The following DLGAP2 variants were observed in gnomAD, a reference collection of about 807,000 sequenced individuals.
DLGAP2 encodes disks large-associated protein 2.
A neutral mutation model predicts 100.3 loss-of-function variants in DLGAP2; 26 were observed. The observed-to-expected ratio is 0.26, with a 90% confidence interval of 0.19 to 0.36. DLGAP2 has a LOEUF of 0.36. Among genes scored for constraint, DLGAP2 ranks in the 10% least tolerant of loss-of-function variants. The pLI, the probability that DLGAP2 is intolerant of heterozygous loss-of-function variation, is 1.00. For missense variants in DLGAP2, 1,858 were observed against 1,453.2 expected, an observed-to-expected ratio of 1.28 and a Z score of -4.53; for synonymous variants, 886 against 630.1, an observed-to-expected ratio of 1.41 and a Z score of -6.08.
chr8:944,808 G>T (rs1439716472), intron 2 of DLGAP2, among the ~76,000 whole-genome samples: 1 of 149,420 alleles, frequency 6.7e-6, no homozygotes, highest in Non-Finnish European at 1.5e-5. Flanking sequence ...GTCGATATGG[G>T]TGATCCAGTG....
chr8:1,407,429 A>G (rs375930503), intron 3 of DLGAP2, among the ~76,000 whole-genome samples: 86 of 78,782 alleles, frequency 1.1e-3, no homozygotes, highest in East Asian at 2.4e-3. Context: ...CTTGTCCTCC[A>G]GAGTCGTGTA....
intron 1 of DLGAP2, among the ~76,000 whole-genome samples, chr8:880,589 CGGGG>C (rs1563076530): frequency 7.4e-5 from 10 of 135,048 alleles, no homozygotes; most frequent in African/African-American, 2.7e-4. Flanking sequence ...ATAGGTGGGT[CGGGG>C]TGACCGTCCA....
chr8:1,048,084 C>T (rs140276679), intron 2 of DLGAP2, among the ~76,000 whole-genome samples: 9 of 152,094 alleles, frequency 5.9e-5, no homozygotes, highest in South Asian at 2.1e-4. Flanking sequence ...TCCGAATTTC[C>T]GCTGGAAAGT....
At chr8:1,573,528 G>C (rs73671228) in intron 6 of DLGAP2, among the ~76,000 whole-genome samples, 1 of 152,066 alleles carries the variant, frequency 6.6e-6, no homozygotes, top group Non-Finnish European at 1.5e-5. Flanking sequence ...ACTGCCATCC[G>C]TGGGTTTCAC....
intron 1 of DLGAP2, among the ~76,000 whole-genome samples, chr8:763,963 T>A (rs1391800076): frequency 6.6e-6 from 1 of 152,236 alleles, no homozygotes; most frequent in Non-Finnish European, 1.5e-5. Context: ...GGGCCTTTAC[T>A]GTGTTTGGCT....
At chr8:1,542,840 G>A (rs1050505882) in intron 4 of DLGAP2, among the ~76,000 whole-genome samples, 48 of 152,240 alleles carry the variant, frequency 3.2e-4, no homozygotes, top group African/African-American at 1.2e-3. Context: ...CCAGCAGCGT[G>A]CGAGGTTCCA....
intron 3 of DLGAP2, among the ~76,000 whole-genome samples, chr8:1,472,114 G>C (rs1584936641): frequency 6.6e-6 from 1 of 152,230 alleles, no homozygotes; most frequent in African/African-American, 2.4e-5. Context: ...GTAAACAAGT[G>C]CCCCTCCACA....
chr8:1,523,682 A>G (rs1468751138), intron 4 of DLGAP2, among the ~76,000 whole-genome samples: 1 of 152,122 alleles, frequency 6.6e-6, no homozygotes, highest in Admixed American at 6.5e-5. Context: ...AGCCGTCTGC[A>G]TTTTATTTTT....
chr8:1,164,205 C>G (rs1250019883), intron 2 of DLGAP2, among the ~76,000 whole-genome samples: 28 of 141,738 alleles, frequency 2.0e-4, no homozygotes, highest in South Asian at 1.1e-3. Flanking sequence ...CTGTGAGCCC[C>G]CAGGGCCCGT....
chr8:1,210,300 G>C (rs912851490), intron 2 of DLGAP2, among the ~76,000 whole-genome samples: 2 of 152,172 alleles, frequency 1.3e-5, no homozygotes, highest in Non-Finnish European at 2.9e-5. Context: ...GCTGATGACA[G>C]GGAGGTTTGG....
At chr8:803,465 A>T (rs553879542) in intron 1 of DLGAP2, among the ~76,000 whole-genome samples, 1 of 151,594 alleles carries the variant, frequency 6.6e-6, no homozygotes, top group African/African-American at 2.4e-5. Flanking sequence ...GGCCACCTCT[A>T]CTCTAGCTGC....
chr8:1,237,122 C>G (rs1299070381), intron 2 of DLGAP2, among the ~76,000 whole-genome samples: 5 of 44,674 alleles, frequency 1.1e-4, no homozygotes, highest in Admixed American at 1.1e-3. Flanking sequence ...CTAGTTCTGT[C>G]TCACATGGGG....
chr8:817,626 G>A (rs1336837933), intron 1 of DLGAP2, among the ~76,000 whole-genome samples: 1 of 152,158 alleles, frequency 6.6e-6, no homozygotes, highest in African/African-American at 2.4e-5. Context: ...TTCAAGCGCT[G>A]CTGTTCAGAC....
intron 6 of DLGAP2, among the ~76,000 whole-genome samples, chr8:1,571,101 G>C (rs1361763375): frequency 7.4e-6 from 1 of 134,710 alleles, no homozygotes; most frequent in Non-Finnish European, 1.6e-5. Flanking sequence ...TGAACTGTGG[G>C]GACATCTGAT....
In DLGAP2 at chr8:1,499,089, G is replaced by C. The variant is rs1799629013; in HGVS notation, c.107-2277G>C. Among the ~76,000 whole-genome samples, 3 of 152,236 alleles carry C rather than the reference G, an allele frequency of 2.0e-5. No homozygotes were observed. In the South Asian group the frequency reaches 6.2e-4, roughly 31 times the overall value. ...AGCGTTTGTACTCCTGCAATTCAAG[G>C]CTGACCTTCAAACGTCCCCACTCCT... On this transcript the variant is annotated intron_variant, in intron 3 of 14. Coordinates refer to ENST00000637795, the MANE Select transcript of DLGAP2 (RefSeq NM_001346810.2).
intron 6 of DLGAP2, among the ~76,000 whole-genome samples, chr8:1,584,911 C>T (rs1796069907): frequency 1.3e-5 from 2 of 152,116 alleles, no homozygotes; most frequent in Non-Finnish European, 2.9e-5. Context: ...TCTTCTTGTG[C>T]ATACCAACTC....
At chr8:1,592,400 C>T (rs1282189520) in intron 6 of DLGAP2, among the ~76,000 whole-genome samples, 1 of 152,010 alleles carries the variant, frequency 6.6e-6, no homozygotes, top group Admixed American at 6.6e-5. Context: ...TGACGTGTGC[C>T]TCTGGCCCCC....
At chr8:1,151,196 A>G (rs1233935237) in intron 2 of DLGAP2, among the ~76,000 whole-genome samples, 1 of 152,198 alleles carries the variant, frequency 6.6e-6, no homozygotes, top group Non-Finnish European at 1.5e-5. Context: ...CTTTTCCTCT[A>G]CCCTCTTTCA....
chr8:948,131 C>T (rs1799379012), intron 2 of DLGAP2, among the ~76,000 whole-genome samples: 1 of 152,198 alleles, frequency 6.6e-6, no homozygotes, highest in African/African-American at 2.4e-5. Context: ...CCAGCCAGTG[C>T]GGGCTGATCT....
Sources: allele counts gnomAD v4.1 joint callset (sites outside exome capture counted in the v4.1 genomes callset), GRCh38; gene constraint gnomAD v4.1.1; transcripts MANE v1.5; gene names NCBI Gene and HGNC (gene_info 2026-07-23, HGNC 2026-07-21).